Variants in PTPRM observed in about 807,000 individuals in gnomAD.
The protein encoded by PTPRM is protein tyrosine phosphatase receptor type M.
In PTPRM, 47 loss-of-function variants were observed where a neutral mutation model predicts 186.7. That is an observed-to-expected ratio of 0.25 (90% CI 0.20 to 0.32). The LOEUF is 0.32. Ranked by LOEUF, PTPRM falls within the 10% of genes least tolerant of loss-of-function variation. The pLI is 1.00. For synonymous variants in PTPRM, 668 were observed against 674.9 expected, an observed-to-expected ratio of 0.99 and a Z score of 0.16; for missense variants, 1,494 against 1,865.0, an observed-to-expected ratio of 0.80 and a Z score of 3.66.
At chr18:8,243,629 T>C (rs2094451986) in intron 14 of PTPRM, among the ~76,000 whole-genome samples, 1 of 152,220 alleles carries the variant, frequency 6.6e-6, no homozygotes, top group African/African-American at 2.4e-5. Flanking sequence ...CATTTTTGCT[T>C]GGAAAATATT....
intron 1 of PTPRM, among the ~76,000 whole-genome samples, chr18:7,764,968 AG>A (rs961942689): frequency 3.9e-5 from 6 of 152,226 alleles, no homozygotes; most frequent in Admixed American, 1.3e-4. Flanking sequence ...ACATTTATGC[AG>A]GGAATTCATG....
At chr18:7,803,121 G>T (rs897164394) in intron 2 of PTPRM, among the ~76,000 whole-genome samples, 2 of 152,120 alleles carry the variant, frequency 1.3e-5, no homozygotes, top group African/African-American at 4.8e-5. Context: ...AAATATATTG[G>T]CAGGTTATTG....
intron 7 of PTPRM, among the ~76,000 whole-genome samples, chr18:8,050,501 A>AAT (rs1344395629): frequency 6.6e-6 from 1 of 152,006 alleles, no homozygotes; most frequent in Non-Finnish European, 1.5e-5. Flanking sequence ...GAAAAAAAAA[A>AAT]ACCCTCCATA....
chr18:8,281,220 T>G (rs1465938699), intron 19 of PTPRM, among the ~76,000 whole-genome samples: 1 of 152,174 alleles, frequency 6.6e-6, no homozygotes, highest in Non-Finnish European at 1.5e-5. Context: ...TTCTCTCCCT[T>G]TCATGTTTTA....
At chr18:7,605,303 T>A (rs2037503176) in intron 1 of PTPRM, among the ~76,000 whole-genome samples, 1 of 152,096 alleles carries the variant, frequency 6.6e-6, no homozygotes, top group Non-Finnish European at 1.5e-5. Context: ...CTTGCTGGAG[T>A]ATTAATAAAT....
Position 8,394,468 on chromosome 18 carries a change from C to G in PTPRM, c.4209-8C>G. On this transcript the variant is annotated splice_region_variant and splice_polypyrimidine_tract_variant and intron_variant, in intron 31 of 32. Coordinates refer to ENST00000580170, the MANE Select transcript of PTPRM (RefSeq NM_001105244.2). ...CCGAGTGCAGTCATCTGATCTTTTTCACGACAGGAACGGGGGAGGCCGCAG... is the reference window on the plus strand; with the variant it reads ...CCGAGTGCAGTCATCTGATCTTTTTGACGACAGGAACGGGGGAGGCCGCAG... 6.2e-7 allele frequency: 1 copy of G among 1,603,086 alleles called. No individual in the cohort carries two copies. Among genetic ancestry groups the G allele is most frequent in the Non-Finnish European group, 8.5e-7 (1 of 1,174,586 alleles).
intron 2 of PTPRM, among the ~76,000 whole-genome samples, chr18:7,885,540 T>G (rs35416770): frequency 0.092 from 13,990 of 152,154 alleles, 925 homozygotes; most frequent in Non-Finnish European, 0.15. Flanking sequence ...AAATTGCACA[T>G]AAACCAAGAG....
At chr18:8,276,344 C>G (rs1181913033) in intron 19 of PTPRM, among the ~76,000 whole-genome samples, 2 of 152,178 alleles carry the variant, frequency 1.3e-5, no homozygotes, top group African/African-American at 4.8e-5. Context: ...GGTCTCCACA[C>G]TGCCCATTTT....
At chr18:7,807,151 C>T (rs1186133134) in intron 2 of PTPRM, among the ~76,000 whole-genome samples, 4 of 152,174 alleles carry the variant, frequency 2.6e-5, no homozygotes, top group African/African-American at 4.8e-5. Context: ...CAAGTGTTCA[C>T]GCTTTTTCAC....
chr18:8,069,109 CAAAAAAAAAAAAAAA>C (rs71165767), intron 7 of PTPRM, among the ~76,000 whole-genome samples: 2 of 78,620 alleles, frequency 2.5e-5, no homozygotes, highest in Non-Finnish European at 4.6e-5. Flanking sequence ...GACTCCGTCT[CAAAAAAAAAAAAAAA>C]AAAAAAAAAA....
At chr18:8,063,872 C>G (rs1005540155) in intron 7 of PTPRM, among the ~76,000 whole-genome samples, 7 of 152,144 alleles carry the variant, frequency 4.6e-5, no homozygotes, top group African/African-American at 1.7e-4. Flanking sequence ...AATGTACTAG[C>G]CAAACCAAGA....
At chr18:8,041,207 A>C (rs1020503588) in intron 7 of PTPRM, among the ~76,000 whole-genome samples, 1 of 152,230 alleles carries the variant, frequency 6.6e-6, no homozygotes, top group Non-Finnish European at 1.5e-5. Context: ...ACATCTGTGA[A>C]GATTGATACC....
intron 22 of PTPRM, among the ~76,000 whole-genome samples, chr18:8,332,001 T>C (rs540391073): frequency 6.6e-6 from 1 of 152,208 alleles, no homozygotes; most frequent in Non-Finnish European, 1.5e-5. Flanking sequence ...CCAGACAAGT[T>C]CCTTCCTAAC....
Position 7,731,415 on chromosome 18 carries a change from A to C in PTPRM, c.74-42734A>C, listed in dbSNP as rs111985988. On this transcript the variant is annotated intron_variant, in intron 1 of 32. Transcript: ENST00000580170. The stretch of plus-strand genomic sequence containing the variant: ...AAGCTTGGTTGGTATTGCAAGTATT[A>C]ATTTGGAGTACTTTCAGACATTTTA... Among the ~76,000 whole-genome samples, 1,459 of 152,310 alleles carry C rather than the reference A, an allele frequency of 9.6e-3. 9 individuals carry two copies. The highest frequency in any genetic ancestry group is 0.014 in the Non-Finnish European group (920 of 68,024).
chr18:7,633,606 C>G (rs897161667), intron 1 of PTPRM, among the ~76,000 whole-genome samples: 1 of 152,150 alleles, frequency 6.6e-6, no homozygotes, highest in Non-Finnish European at 1.5e-5. Flanking sequence ...TTTGACAGAT[C>G]TAATTTCAAA....
chr18:8,291,855 A>G (rs2095046645), intron 19 of PTPRM, among the ~76,000 whole-genome samples: 1 of 144,092 alleles, frequency 6.9e-6, no homozygotes, highest in African/African-American at 2.6e-5. Flanking sequence ...TGGTCTTCCA[A>G]AAAAAAAAAA....
intron 5 of PTPRM, 72 bp from the exon 6 acceptor site, chr18:7,949,109 T>C (rs1017512909): frequency 4.2e-5 from 58 of 1,388,678 alleles, no homozygotes; most frequent in Admixed American, 3.0e-4. Flanking sequence ...TAATATACCA[T>C]TGGGTGTCTG....
chr18:7,812,030 G>C (rs2044547538), intron 2 of PTPRM, among the ~76,000 whole-genome samples: 1 of 152,108 alleles, frequency 6.6e-6, no homozygotes, highest in Non-Finnish European at 1.5e-5. Flanking sequence ...GTCCATCAAG[G>C]CTCTTGTGCA....
At chr18:7,977,133 A>G (rs534047185) in intron 7 of PTPRM, among the ~76,000 whole-genome samples, 1 of 152,020 alleles carries the variant, frequency 6.6e-6, no homozygotes, top group South Asian at 2.1e-4. Flanking sequence ...CTTTTTGCCC[A>G]GGCTGGAGTG....
Sources: gnomAD v4.1 joint callset for allele counts (sites outside exome capture counted in the v4.1 genomes callset) on GRCh38, gnomAD v4.1.1 for gene constraint, MANE v1.5 for transcripts, NCBI Gene and HGNC (gene_info 2026-07-23, HGNC 2026-07-21) for gene names.